CNTN4: variants seen among roughly 807,000 people sequenced by gnomAD.
CNTN4 encodes the protein contactin 4.
A neutral mutation model predicts 122.5 loss-of-function variants in CNTN4; 77 were observed. The ratio of observed to expected loss-of-function variants is 0.63; its 90% confidence interval spans 0.52 to 0.76. The LOEUF (loss-of-function observed/expected upper bound fraction) is 0.76. CNTN4 is among the 30% of genes least tolerant of loss of function. The pLI is 0.00. For missense variants in CNTN4, 1,256 were observed against 1,259.1 expected (o/e 1.00, Z 0.04); for synonymous variants, 512 against 447.0 (o/e 1.15, Z -1.83).
intron 3 of CNTN4, among the ~76,000 whole-genome samples, chr3:2,404,658 A>T (rs984687730): frequency 2.0e-5 from 3 of 152,204 alleles, no homozygotes; most frequent in African/African-American, 7.2e-5. Context: ...TTGTAAAGTC[A>T]GCTAATTAAT....
intron 8 of CNTN4, among the ~76,000 whole-genome samples, chr3:2,875,254 A>T (rs2093830502): frequency 6.6e-6 from 1 of 152,186 alleles, no homozygotes; most frequent in Non-Finnish European, 1.5e-5. Flanking sequence ...AACTGCTGGG[A>T]TTACAGATGT....
At chr3:2,104,439 G>A (rs548471424) in intron 2 of CNTN4, among the ~76,000 whole-genome samples, 15 of 152,256 alleles carry the variant, frequency 9.9e-5, no homozygotes, top group African/African-American at 3.4e-4. Context: ...TGGTAGTTCA[G>A]TACTCATAGA....
chr3:2,327,019 A>C (rs1399706403), intron 2 of CNTN4, among the ~76,000 whole-genome samples: 1 of 152,126 alleles, frequency 6.6e-6, no homozygotes, highest in Non-Finnish European at 1.5e-5. Context: ...TAATTTTCAA[A>C]GTGTTTTAAA....
chr3:2,672,572 A>G (rs2150389909), intron 4 of CNTN4, among the ~76,000 whole-genome samples: 1 of 152,260 alleles, frequency 6.6e-6, no homozygotes, highest in South Asian at 2.1e-4. Flanking sequence ...CGGGTGAGGC[A>G]ATGCGTCGCC....
chr3:2,115,554 T>C (rs2033291733), intron 2 of CNTN4, among the ~76,000 whole-genome samples: 1 of 152,222 alleles, frequency 6.6e-6, no homozygotes, highest in African/African-American at 2.4e-5. Flanking sequence ...TCCAGGAATT[T>C]GGAAAATTCA....
chr3:2,691,315 C>G (rs760081477), intron 4 of CNTN4, among the ~76,000 whole-genome samples: 10 of 152,066 alleles, frequency 6.6e-5, no homozygotes, highest in Non-Finnish European at 5.9e-5. Flanking sequence ...CCCAGCATTT[C>G]TACAGTGGTG....
At chr3:2,640,690 T>TAC (rs1200443007) in intron 4 of CNTN4, among the ~76,000 whole-genome samples, 2 of 152,114 alleles carry the variant, frequency 1.3e-5, no homozygotes, top group African/African-American at 4.8e-5. Context: ...ACTGTGCACA[T>TAC]ACACACACAC....
chr3:2,128,873 C>G (rs755322412), intron 2 of CNTN4, among the ~76,000 whole-genome samples: 2 of 152,100 alleles, frequency 1.3e-5, no homozygotes, highest in Non-Finnish European at 2.9e-5. Flanking sequence ...AGTGAGTGTC[C>G]TATCAATGGA....
chr3:2,581,315 G>C (rs2079927587), intron 4 of CNTN4, among the ~76,000 whole-genome samples: 1 of 151,986 alleles, frequency 6.6e-6, no homozygotes, highest in South Asian at 2.1e-4. Flanking sequence ...AGAATCCACT[G>C]GTCTGACCTC....
intron 7 of CNTN4, among the ~76,000 whole-genome samples, chr3:2,855,331 C>G (rs184189755): frequency 1.3e-5 from 2 of 152,192 alleles, no homozygotes; most frequent in African/African-American, 2.4e-5. Flanking sequence ...AATCCCAAAT[C>G]TAATTCCACT....
At chr3:2,516,144 T>C (rs879729406) in intron 3 of CNTN4, among the ~76,000 whole-genome samples, 2 of 152,112 alleles carry the variant, frequency 1.3e-5, no homozygotes, top group Non-Finnish European at 2.9e-5. Flanking sequence ...ATTAATGTTA[T>C]TCCTTATTGA....
At chr3:2,612,279 A>G (rs971075739) in intron 4 of CNTN4, among the ~76,000 whole-genome samples, 1 of 152,130 alleles carries the variant, frequency 6.6e-6, no homozygotes, top group African/African-American at 2.4e-5. Context: ...GCCTAACTTA[A>G]ACATAATGAG....
chr3:2,541,599 T>C lies in CNTN4; in HGVS notation c.-88-29817T>C, dbSNP rs371432563. On this transcript the variant is annotated intron_variant, in intron 3 of 24. Transcript: ENST00000418658. ...CTGTTTATCCTACATTTGTCACATA[T>C]CATTTTCTCAGGATATCTGACATAA... Among the ~76,000 whole-genome samples the C allele has an allele frequency of 9.9e-5, 15 of 152,234 alleles. 1 individual carries two copies. The highest frequency in any genetic ancestry group is 3.4e-4 in the African/African-American group (14 of 41,568).
intron 4 of CNTN4, among the ~76,000 whole-genome samples, chr3:2,698,987 C>T (rs532768075): frequency 1.3e-5 from 2 of 151,660 alleles, no homozygotes; most frequent in Non-Finnish European, 2.9e-5. Flanking sequence ...AGTGCCATTG[C>T]ACTCCAGTGT....
intron 2 of CNTN4, among the ~76,000 whole-genome samples, chr3:2,137,441 T>G (rs547835887): frequency 3.9e-5 from 6 of 152,270 alleles, no homozygotes; most frequent in East Asian, 3.9e-4. Flanking sequence ...GTATAGGTAT[T>G]CCAGGTTGGG....
At chr3:2,121,804 C>T (rs2033800401) in intron 2 of CNTN4, among the ~76,000 whole-genome samples, 1 of 152,128 alleles carries the variant, frequency 6.6e-6, no homozygotes, top group Non-Finnish European at 1.5e-5. Flanking sequence ...TTAATTTGTA[C>T]TGGTTACTAA....
At chr3:2,223,956 TG>T (rs1174525470) in intron 2 of CNTN4, among the ~76,000 whole-genome samples, 4 of 152,042 alleles carry the variant, frequency 2.6e-5, no homozygotes, top group African/African-American at 9.7e-5. Flanking sequence ...TGGGGCTTCT[TG>T]GGGGGCAGGT....
chr3:2,489,926 AACAT>A (rs1305736137), intron 3 of CNTN4, among the ~76,000 whole-genome samples: 1 of 152,162 alleles, frequency 6.6e-6, no homozygotes, highest in African/African-American at 2.4e-5. Context: ...TCTCGTATAA[AACAT>A]ACAGTCTATT....
At chr3:3,015,405 C>G (rs924317996) in intron 14 of CNTN4, among the ~76,000 whole-genome samples, 1 of 152,154 alleles carries the variant, frequency 6.6e-6, no homozygotes, top group South Asian at 2.1e-4. Context: ...CTTCATCAAT[C>G]AATCCTATCT....
Sources: gnomAD v4.1 joint callset for allele counts (sites outside exome capture counted in the v4.1 genomes callset) on GRCh38, gnomAD v4.1.1 for gene constraint, MANE v1.5 for transcripts, NCBI Gene and HGNC (gene_info 2026-07-23, HGNC 2026-07-21) for gene names.